WDPCP: variants seen among roughly 807,000 people sequenced by gnomAD.
WDPCP encodes the protein WD repeat containing planar cell polarity effector, also known as WD repeat-containing and planar cell polarity effector protein fritz homolog.
A neutral mutation model predicts 93.1 loss-of-function variants in WDPCP; 71 were observed. The ratio of observed to expected loss-of-function variants is 0.76; its 90% confidence interval spans 0.63 to 0.93. The LOEUF is 0.93. Ranked by LOEUF, WDPCP falls within the 40% of genes least tolerant of loss-of-function variation. The pLI, the probability that WDPCP is intolerant of heterozygous loss-of-function variation, is 0.00. For missense variants in WDPCP, 844 were observed against 887.4 expected (o/e 0.95, Z 0.62); for synonymous variants, 315 against 315.0 (o/e 1.00, Z 0.00).
At chr2:63,263,861 T>A (rs1297358238) in intron 13 of WDPCP, among the ~76,000 whole-genome samples, 1 of 152,212 alleles carries the variant, frequency 6.6e-6, no homozygotes, top group Non-Finnish European at 1.5e-5. Context: ...GTCATACTCA[T>A]TGTAACATTA....
rs562304587 is a variant in WDPCP, at chr2:63,361,052, C to T, written c.1748+17334G>A. On this transcript the variant is annotated intron_variant, in intron 12 of 17. Coordinates refer to ENST00000272321, the MANE Select transcript of WDPCP (RefSeq NM_015910.7). ...TAAATGCATGTCCGTCTTCCAGCCG[C>T]AGATCTTAGTAGAGTGTTTTCGTGA... Among the ~76,000 whole-genome samples, 3 of 152,286 alleles carry T rather than the reference C, an allele frequency of 2.0e-5. No individual in the cohort carries two copies. The South Asian group carries it at 6.2e-4, about 32-fold the overall frequency.
chr2:63,572,712 A>AAAAAAAAAAAAAAAG (rs1707617974), intron 1 of WDPCP, among the ~76,000 whole-genome samples: 1 of 146,224 alleles, frequency 6.8e-6, no homozygotes, highest in African/African-American at 2.5e-5. Context: ...AAAAAAAAAA[A>AAAAAAAAAAAAAAAG]AAAAAAAAAA....
intron 14 of WDPCP, among the ~76,000 whole-genome samples, chr2:63,195,652 A>C (rs1675374302): frequency 6.6e-6 from 1 of 152,170 alleles, no homozygotes; most frequent in African/African-American, 2.4e-5. Context: ...TATTAAAAAA[A>C]AGTTTTTGGA....
intron 1 of WDPCP, among the ~76,000 whole-genome samples, chr2:63,542,207 T>C (rs764864053): frequency 6.6e-6 from 1 of 152,212 alleles, no homozygotes; most frequent in African/African-American, 2.4e-5. Flanking sequence ...GAAGCCTGAA[T>C]ACTGCATTCA....
At chr2:63,186,090 G>A (rs1264904811) in intron 14 of WDPCP, among the ~76,000 whole-genome samples, 2 of 152,200 alleles carry the variant, frequency 1.3e-5, no homozygotes, top group African/African-American at 4.8e-5. Context: ...GTGAGCTGGT[G>A]TGGGAATCTG....
At chr2:63,473,888 C>T (rs967954453) in intron 6 of WDPCP, among the ~76,000 whole-genome samples, 1 of 152,038 alleles carries the variant, frequency 6.6e-6, no homozygotes, top group Non-Finnish European at 1.5e-5. Flanking sequence ...TGCTGAAAAA[C>T]AGTATGATAT....
chr2:63,295,198 C>A (rs966314926), intron 13 of WDPCP, among the ~76,000 whole-genome samples: 2 of 151,568 alleles, frequency 1.3e-5, no homozygotes, highest in Admixed American at 6.6e-5. Flanking sequence ...ACTACAAAAA[C>A]AATCACCCAA....
intron 2 of WDPCP, among the ~76,000 whole-genome samples, chr2:63,778,418 A>T (rs1263282755): frequency 6.6e-6 from 1 of 152,022 alleles, no homozygotes; most frequent in Admixed American, 6.6e-5. Flanking sequence ...CATCTTGGCC[A>T]AGCTGGTCTT....
At chr2:63,785,995 C>T (rs1670462606) in intron 2 of WDPCP, among the ~76,000 whole-genome samples, 1 of 152,090 alleles carries the variant, frequency 6.6e-6, no homozygotes, top group Admixed American at 6.6e-5. Flanking sequence ...TATGTGTTTT[C>T]CACAGATAAA....
At chr2:63,424,747 T>TG (rs35861845) in intron 9 of WDPCP, among the ~76,000 whole-genome samples, 1 of 152,168 alleles carries the variant, frequency 6.6e-6, no homozygotes, top group Non-Finnish European at 1.5e-5. Context: ...GGTGTGGGCC[T>TG]GGGGCATGCC....
chr2:63,415,361 T>TA (rs1215924303), intron 9 of WDPCP, among the ~76,000 whole-genome samples: 2 of 152,072 alleles, frequency 1.3e-5, no homozygotes, highest in Non-Finnish European at 1.5e-5. Context: ...AGACTGTCTA[T>TA]AAAAAAACAA....
intron 17 of WDPCP, among the ~76,000 whole-genome samples, chr2:63,126,300 A>G (rs1669897342): frequency 6.6e-6 from 1 of 152,172 alleles, no homozygotes; most frequent in Non-Finnish European, 1.5e-5. Flanking sequence ...TAAATTTACT[A>G]TTTGCATGTG....
At chr2:63,432,749 C>A (rs556817207) in intron 9 of WDPCP, among the ~76,000 whole-genome samples, 1 of 152,196 alleles carries the variant, frequency 6.6e-6, no homozygotes, top group East Asian at 1.9e-4. Flanking sequence ...GCTTCAGGAT[C>A]CATAGAAGCA....
intron 1 of WDPCP, among the ~76,000 whole-genome samples, chr2:63,562,858 C>T (rs1706729637): frequency 2.0e-5 from 3 of 152,170 alleles, no homozygotes; most frequent in African/African-American, 7.2e-5. Context: ...ATGGTTTTAT[C>T]ATTCTCTCAA....
rs900021465 is a variant in WDPCP, at chr2:63,492,475, CT to C, written c.160+380del. Among the ~76,000 whole-genome samples the C allele has an allele frequency of 1.2e-3, 176 of 147,394 alleles. 1 individual carries two copies. Among genetic ancestry groups the C allele is most frequent in the East Asian group, 1.8e-3 (9 of 5,070 alleles). On this transcript the variant is annotated intron_variant, in intron 2 of 17. Coordinates refer to ENST00000272321, the MANE Select transcript of WDPCP (RefSeq NM_015910.7). ...CCCAGAAAAAAAATTGAATATGTAT[CT>C]TTTTTTTTTACCATTCAATAAATTT... is the stretch of plus-strand genomic sequence containing the variant.
intron 2 of WDPCP, among the ~76,000 whole-genome samples, chr2:63,683,948 CACT>C (rs1174292709): frequency 6.6e-6 from 1 of 151,638 alleles, no homozygotes; most frequent in Non-Finnish European, 1.5e-5. Flanking sequence ...ATGCACCCAA[CACT>C]GCAGCATCCA....
intron 13 of WDPCP, among the ~76,000 whole-genome samples, chr2:63,295,717 T>C (rs1486445402): frequency 2.0e-5 from 3 of 151,082 alleles, no homozygotes; most frequent in African/African-American, 7.3e-5. Flanking sequence ...CAGGAAGAAA[T>C]AGAAATCCTG....
At chr2:63,128,803 G>C (rs1670096267) in intron 17 of WDPCP, among the ~76,000 whole-genome samples, 1 of 152,092 alleles carries the variant, frequency 6.6e-6, no homozygotes. Flanking sequence ...CGAGTAGCTG[G>C]GATTACAGGC....
At chr2:63,755,726 T>C (rs1669957978) in intron 2 of WDPCP, among the ~76,000 whole-genome samples, 2 of 152,244 alleles carry the variant, frequency 1.3e-5, no homozygotes, top group African/African-American at 4.8e-5. Context: ...TAACAAATGT[T>C]TTCAATTTAA....
Sources: allele counts gnomAD v4.1 joint callset (sites outside exome capture counted in the v4.1 genomes callset), GRCh38; gene constraint gnomAD v4.1.1; transcripts MANE v1.5; gene names NCBI Gene and HGNC (gene_info 2026-07-23, HGNC 2026-07-21).